The following NCOA1 variants were observed in gnomAD, a reference collection of about 807,000 sequenced individuals.
The protein encoded by NCOA1 is Hin-2 protein.
In NCOA1, 35 loss-of-function variants were observed where a neutral mutation model predicts 150.9. The ratio of observed to expected loss-of-function variants is 0.23; its 90% confidence interval spans 0.18 to 0.31. The LOEUF is 0.31. Among genes scored for constraint, NCOA1 ranks in the 10% least tolerant of loss-of-function variants. NCOA1 has a pLI of 1.00. For synonymous variants in NCOA1, 590 were observed against 630.0 expected (o/e 0.94, Z 0.95); for missense variants, 1,491 against 1,749.3 (o/e 0.85, Z 2.63).
intron 1 of NCOA1, among the ~76,000 whole-genome samples, chr2:24,552,610 C>T (rs1665906208): frequency 6.6e-6 from 1 of 151,788 alleles, no homozygotes; most frequent in African/African-American, 2.4e-5. Flanking sequence ...CGTCATCTGC[C>T]TGCCTTGGCC....
chr2:24,587,059 A>G (rs1357052878), intron 3 of NCOA1, among the ~76,000 whole-genome samples: 1 of 151,812 alleles, frequency 6.6e-6, no homozygotes, highest in African/African-American at 2.4e-5. Context: ...TCAGTAGTGC[A>G]GCTTCATAAC....
chr2:24,703,449 A>C (rs1214046178), intron 11 of NCOA1, among the ~76,000 whole-genome samples: 1 of 152,228 alleles, frequency 6.6e-6, no homozygotes, highest in African/African-American at 2.4e-5. Context: ...TCTCATCCAA[A>C]ACAAATAATC....
At chr2:24,661,981 G>A (rs531159876) in intron 5 of NCOA1, among the ~76,000 whole-genome samples, 1 of 151,952 alleles carries the variant, frequency 6.6e-6, no homozygotes, top group African/African-American at 2.4e-5. Context: ...ATTCACATTT[G>A]CTTTAAAAAT....
chr2:24,713,627 A>C (rs1673870396), intron 14 of NCOA1, among the ~76,000 whole-genome samples: 1 of 152,210 alleles, frequency 6.6e-6, no homozygotes, highest in Non-Finnish European at 1.5e-5. Context: ...GAAAAAGAGC[A>C]AATACATTAA....
At chr2:24,677,443 TGA>T (rs902500926) in intron 7 of NCOA1, among the ~76,000 whole-genome samples, 11 of 152,128 alleles carry the variant, frequency 7.2e-5, no homozygotes, top group Non-Finnish European at 1.5e-4. Context: ...TTTTGTTTTT[TGA>T]GAGAGTCTTG....
chr2:24,739,661 C>T, intron 18 of NCOA1, 128 bp downstream of exon 18: 1 of 589,186 alleles, frequency 1.7e-6, no homozygotes, highest in Non-Finnish European at 2.9e-6. Context: ...GTGTAGTTTT[C>T]TTTGAGAATG....
At chr2:24,719,015 T>A (rs1198009895) in intron 14 of NCOA1, among the ~76,000 whole-genome samples, 8 of 106,908 alleles carry the variant, frequency 7.5e-5, no homozygotes, top group African/African-American at 3.1e-4. Flanking sequence ...TACTACAAAG[T>A]GAGACTCTGT....
At chr2:24,573,875 T>C (rs989340690) in intron 2 of NCOA1, among the ~76,000 whole-genome samples, 1 of 141,580 alleles carries the variant, frequency 7.1e-6, no homozygotes, top group Non-Finnish European at 1.6e-5. Flanking sequence ...AGGCTAAGAC[T>C]CATACTGTGC....
chr2:24,752,220 A>T, intron 20 of NCOA1, 64 bp downstream of exon 20: 1 of 1,537,478 alleles, frequency 6.5e-7, no homozygotes, highest in Non-Finnish European at 8.8e-7. Context: ...ATACTGATAA[A>T]TGCTACAGTG....
At chr2:24,518,818 A>G (rs1664308101) in intron 1 of NCOA1, among the ~76,000 whole-genome samples, 1 of 152,200 alleles carries the variant, frequency 6.6e-6, no homozygotes, top group Admixed American at 6.5e-5. Context: ...CCCGAGAGAA[A>G]TTAAGATAAC....
chr2:24,495,092 G>GTTT lies in NCOA1; in HGVS notation c.-396+3498_-396+3500dup, dbSNP rs200403397. On this transcript the variant is annotated intron_variant, in intron 1 of 22. Transcript: ENST00000348332. ...CTTCATTTCATAAGGAGATGAAGGTGTTTTTTTTTTGTTTTTTTTTTTTAA... is the reference window on the plus strand; with the variant it reads ...CTTCATTTCATAAGGAGATGAAGGTGTTTTTTTTTTTTTGTTTTTTTTTTTTAA... Among the ~76,000 whole-genome samples the GTTT allele has an allele frequency of 3.9e-4, 40 of 103,442 alleles. 1 individual carries two copies. Among genetic ancestry groups the GTTT allele is most frequent in the East Asian group, 9.7e-4 (3 of 3,080 alleles). 67.9% of individuals were successfully genotyped at this position (103,442 alleles called of 152,430 possible). A position where few individuals can be genotyped will look rare whatever the true frequency, so the allele number is the denominator to read the frequency against.
intron 1 of NCOA1, among the ~76,000 whole-genome samples, chr2:24,558,979 G>T (rs1666190338): frequency 6.6e-6 from 1 of 152,022 alleles, no homozygotes; most frequent in Admixed American, 6.5e-5. Flanking sequence ...TGCATGCTTG[G>T]TTTATCTGGG....
chr2:24,762,603 C>T, intron 21 of NCOA1, 84 bp from the exon 22 acceptor site: 5 of 1,177,172 alleles, frequency 4.2e-6, no homozygotes, highest in Non-Finnish European at 6.3e-6. Context: ...ACTTTTCTGT[C>T]AGTGAGATTG....
At chr2:24,696,331 G>T (rs1488280013) in intron 10 of NCOA1, among the ~76,000 whole-genome samples, 1 of 152,166 alleles carries the variant, frequency 6.6e-6, no homozygotes, top group South Asian at 2.1e-4. Context: ...TGAGTTGATT[G>T]TATGAAGAAG....
At chr2:24,746,912 G>A (rs1663953147) in intron 19 of NCOA1, among the ~76,000 whole-genome samples, 2 of 152,148 alleles carry the variant, frequency 1.3e-5, no homozygotes, top group African/African-American at 4.8e-5. Context: ...TGGAGGAGGG[G>A]TATGTAGCTT....
intron 19 of NCOA1, among the ~76,000 whole-genome samples, chr2:24,750,624 G>A (rs1332626124): frequency 6.6e-6 from 1 of 152,166 alleles, no homozygotes; most frequent in Non-Finnish European, 1.5e-5. Context: ...CCCCCAAAAA[G>A]CAAATCTTTT....
At chr2:24,628,074 T>C (rs1572511348) in intron 3 of NCOA1, among the ~76,000 whole-genome samples, 1 of 151,570 alleles carries the variant, frequency 6.6e-6, no homozygotes, top group Admixed American at 6.6e-5. Context: ...CTGAGGCGGG[T>C]GGAGGACCTG....
In NCOA1 at chr2:24,584,482, G is replaced by A. The variant is rs918192270; in HGVS notation, c.-253G>A. ...ACTGTTTTCCTAATTTCAGGTTCCA[G>A]TTACAGCTATATCAGAGAATGAGTT... On this transcript the variant is annotated 5_prime_UTR_variant, in exon 3 of 23. Coordinates refer to ENST00000348332, the MANE Select transcript of NCOA1 (RefSeq NM_003743.5). The A allele has an allele frequency of 6.6e-6, 1 of 152,176 alleles. No individual in the cohort carries two copies. The allele number at this position is 152,176 out of a possible 1,614,324, so 9.4% of individuals were successfully genotyped here.
At chr2:24,676,592 G>T (rs1321263927) in intron 7 of NCOA1, among the ~76,000 whole-genome samples, 2 of 152,064 alleles carry the variant, frequency 1.3e-5, no homozygotes, top group African/African-American at 4.8e-5. Context: ...CCAAACAACT[G>T]CACTAACTCC....
Sources: allele counts gnomAD v4.1 joint callset (sites outside exome capture counted in the v4.1 genomes callset), GRCh38; gene constraint gnomAD v4.1.1; transcripts MANE v1.5; gene names NCBI Gene and HGNC (gene_info 2026-07-23, HGNC 2026-07-21).